GPD2: variants seen among roughly 807,000 people sequenced by gnomAD.
GPD2 encodes glycerol-3-phosphate dehydrogenase 2, also known as glycerol-3-phosphate dehydrogenase, mitochondrial.
GPD2 carries 54 observed loss-of-function variants against 82.4 expected under a neutral mutation model. The observed-to-expected ratio is 0.66, with a 90% CI of 0.53 to 0.82. The LOEUF (loss-of-function observed/expected upper bound fraction) is 0.82, where lower values mean the gene tolerates loss of function less well. Ranked by LOEUF, GPD2 falls within the 40% of genes least tolerant of loss-of-function variation. The pLI, the probability that GPD2 is intolerant of heterozygous loss-of-function variation, is 0.00. For missense variants in GPD2, 748 were observed against 896.2 expected (o/e 0.83, Z 2.11); for synonymous variants, 288 against 306.1 (o/e 0.94, Z 0.62).
chr2:156,491,047 G>C (rs543345246), intron 2 of GPD2, among the ~76,000 whole-genome samples: 1 of 152,260 alleles, frequency 6.6e-6, no homozygotes, highest in Non-Finnish European at 1.5e-5. Flanking sequence ...CTGTGATCAA[G>C]CTGTAGAACA....
intron 1 of GPD2, among the ~76,000 whole-genome samples, chr2:156,451,285 G>A (rs1161232356): frequency 6.9e-6 from 1 of 144,478 alleles, no homozygotes; most frequent in African/African-American, 2.4e-5. Context: ...AGCTGGCAGG[G>A]CGGGGGGCTG....
the GPD2 span, among the ~76,000 whole-genome samples, chr2:156,423,772 C>T: frequency 6.6e-6 from 1 of 152,160 alleles, no homozygotes; most frequent in East Asian, 1.9e-4. Flanking sequence ...TTGCCCCATT[C>T]CTTGTTGTTG....
intron 9 of GPD2, among the ~76,000 whole-genome samples, chr2:156,562,128 T>C (rs950094944): frequency 6.6e-6 from 1 of 152,204 alleles, no homozygotes; most frequent in Non-Finnish European, 1.5e-5. Flanking sequence ...CTTAACAGGA[T>C]TGAGAGAGAC....
chr2:156,511,236 A>G (rs1046275735), intron 4 of GPD2, among the ~76,000 whole-genome samples: 5 of 152,206 alleles, frequency 3.3e-5, no homozygotes, highest in African/African-American at 1.2e-4. Flanking sequence ...CTACTTTGCA[A>G]GCACTTTCAG....
chr2:156,495,901 G>T (rs1446107446), intron 2 of GPD2, 143 bp from the exon 3 acceptor site: 2 of 654,196 alleles, frequency 3.1e-6, no homozygotes, highest in Non-Finnish European at 2.7e-6. Context: ...AAGGCAGTTG[G>T]TCCTATAACT....
intron 13 of GPD2, among the ~76,000 whole-genome samples, chr2:156,571,821 T>C (rs1432523920): frequency 6.6e-6 from 1 of 152,006 alleles, no homozygotes; most frequent in Non-Finnish European, 1.5e-5. Flanking sequence ...GCTAAGTAGA[T>C]CTTTATGTTT....
At chr2:156,497,950 T>G (rs1246785157) in intron 3 of GPD2, among the ~76,000 whole-genome samples, 1 of 152,130 alleles carries the variant, frequency 6.6e-6, no homozygotes, top group Non-Finnish European at 1.5e-5. Context: ...TTTTTCCCCT[T>G]GAAGGCCTGG....
intron 1 of GPD2, among the ~76,000 whole-genome samples, chr2:156,439,697 ATT>A (rs1215696891): frequency 6.6e-6 from 1 of 151,626 alleles, no homozygotes. Flanking sequence ...AAATACAAAA[ATT>A]AGCCGGGCAT....
intron 13 of GPD2, among the ~76,000 whole-genome samples, chr2:156,571,556 A>G (rs192758952): frequency 6.6e-6 from 1 of 152,174 alleles, no homozygotes; most frequent in Non-Finnish European, 1.5e-5. Context: ...TGATTGTAGT[A>G]TGGAACCTTT....
chr2:156,503,887 C>T (rs1684684788), intron 3 of GPD2, among the ~76,000 whole-genome samples: 1 of 152,076 alleles, frequency 6.6e-6, no homozygotes, highest in Admixed American at 6.6e-5. Flanking sequence ...TTCTTCCTCT[C>T]TTTGAACATT....
In GPD2 at chr2:156,549,713, C is replaced by T. The variant is rs368542899; in HGVS notation, c.767C>T (p.Thr256Ile). 4 of 1,613,896 alleles carry T rather than the reference C, an allele frequency of 2.5e-6. No homozygotes were observed. Among genetic ancestry groups the T allele is most frequent in the South Asian group, 1.1e-5 (1 of 91,082 alleles). The change falls in exon 7 of 17, where the codon ACA becomes ATA. Residue 256 changes from threonine to isoleucine, a missense_variant. Around this residue, in one of 3 missense-constraint regions of GPD2, gnomAD observed 692 missense variants for 809.7 expected, o/e 0.85. Coordinates refer to ENST00000438166, the MANE Select transcript of GPD2 (RefSeq NM_000408.5). Reference protein sequence around the residue: ...YMEVVSLLKKTDPQTGKVRVS... With the variant: ...YMEVVSLLKKIDPQTGKVRVS... ...GAGGTAGTGAGCTTGCTCAAGAAGACAGACCCCCAGACAGGGAAAGTGCGT... is the reference window on the plus strand; with the variant it reads ...GAGGTAGTGAGCTTGCTCAAGAAGATAGACCCCCAGACAGGGAAAGTGCGT...
intron 6 of GPD2, among the ~76,000 whole-genome samples, chr2:156,545,583 C>T (rs1686498153): frequency 6.6e-6 from 1 of 152,126 alleles, no homozygotes; most frequent in South Asian, 2.1e-4. Flanking sequence ...AGTTTCTATA[C>T]TGGCAGGTAG....
At chr2:156,559,773 A>G (rs1187505450) in intron 9 of GPD2, among the ~76,000 whole-genome samples, 2 of 152,252 alleles carry the variant, frequency 1.3e-5, no homozygotes, top group Non-Finnish European at 2.9e-5. Flanking sequence ...ACTCACACAC[A>G]TACACACTCA....
chr2:156,499,516 T>C (rs1369183726), intron 3 of GPD2, among the ~76,000 whole-genome samples: 1 of 152,192 alleles, frequency 6.6e-6, no homozygotes, highest in Non-Finnish European at 1.5e-5. Context: ...GCAGTAATAA[T>C]AAGGCAATCA....
intron 6 of GPD2, among the ~76,000 whole-genome samples, chr2:156,526,121 A>G (rs1482956075): frequency 6.6e-6 from 1 of 152,218 alleles, no homozygotes; most frequent in Non-Finnish European, 1.5e-5. Context: ...TGAATTTAAA[A>G]GCAGGGACCA....
intron 1 of GPD2, among the ~76,000 whole-genome samples, chr2:156,463,778 T>C (rs1484560837): frequency 6.6e-6 from 1 of 152,094 alleles, no homozygotes; most frequent in African/African-American, 2.4e-5. Flanking sequence ...GAGTTCTTTT[T>C]TGAAAAAAAG....
At chr2:156,559,764 C>T (rs1368856261) in intron 9 of GPD2, among the ~76,000 whole-genome samples, 1 of 152,154 alleles carries the variant, frequency 6.6e-6, no homozygotes, top group East Asian at 1.9e-4. Context: ...AAGGTTTATA[C>T]TCACACACAT....
At chr2:156,449,109 T>G (rs938110069) in intron 1 of GPD2, among the ~76,000 whole-genome samples, 3 of 152,356 alleles carry the variant, frequency 2.0e-5, no homozygotes, top group South Asian at 2.1e-4. Context: ...CCCCTGGTAA[T>G]TCAGAATAAC....
chr2:156,520,608 T>C (rs1042974732), intron 6 of GPD2, among the ~76,000 whole-genome samples: 9 of 150,476 alleles, frequency 6.0e-5, no homozygotes, highest in Non-Finnish European at 1.0e-4. Flanking sequence ...TATTTTGAGA[T>C]GGAGTCTCAC....
Sources: gnomAD v4.1 joint callset for allele counts (sites outside exome capture counted in the v4.1 genomes callset) on GRCh38, gnomAD v4.1.1 for gene constraint, gnomAD v4.1.1 regional missense constraint, MANE v1.5 for transcripts, NCBI Gene and HGNC (gene_info 2026-07-23, HGNC 2026-07-21) for gene names.